HSPA9: variants seen among roughly 807,000 people sequenced by gnomAD.
The protein encoded by HSPA9 is heat shock protein family A (Hsp70) member 9.
HSPA9 carries 28 observed loss-of-function variants against 81.5 expected under a neutral mutation model. The ratio of observed to expected loss-of-function variants is 0.34; its 90% CI spans 0.25 to 0.47. The LOEUF is 0.47. HSPA9 is among the 20% of genes least tolerant of loss of function. The pLI is 1.00. For synonymous variants in HSPA9, 293 were observed against 290.4 expected (o/e 1.01, Z -0.09); for missense variants, 678 against 838.0 (o/e 0.81, Z 2.36).
chr5:138,569,084 C>T, intron 4 of HSPA9, 35 bp from the exon 5 acceptor site: 1 of 1,607,672 alleles, frequency 6.2e-7, no homozygotes, highest in Non-Finnish European at 8.5e-7. Flanking sequence ...GAGAAAACTA[C>T]CTGAACAACT....
At chr5:138,560,896 T>C (rs1666185150) in intron 10 of HSPA9, 6 of 408,854 alleles carry the variant, frequency 1.5e-5, no homozygotes, top group Non-Finnish European at 2.8e-5. Context: ...AGGACCTTTT[T>C]TTTCCAGGTT....
chr5:138,566,180 C>T (rs1218070653), intron 9 of HSPA9, among the ~76,000 whole-genome samples: 1 of 100,590 alleles, frequency 9.9e-6, no homozygotes, highest in African/African-American at 3.8e-5. Flanking sequence ...AGGAGCAAAA[C>T]TCTGTCTCAA....
intron 9 of HSPA9, among the ~76,000 whole-genome samples, chr5:138,564,430 T>C (rs1580745905): frequency 6.6e-6 from 1 of 152,318 alleles, no homozygotes; most frequent in East Asian, 1.9e-4. Context: ...TTAAGAGACC[T>C]GCTCTGTCAC....
rs150178196 is a variant in HSPA9 at position 138,569,014 on chromosome 5, T to C, written c.446A>G (p.Asn149Ser). 214 of 1,613,808 alleles carry C rather than the reference T, an allele frequency of 1.3e-4. 1 individual carries two copies. The highest frequency in any genetic ancestry group is 8.2e-4 in the Middle Eastern group (5 of 6,062). ...ATGAGCCTCAACCCAGGCATCACCATTGGAGGCACGGACAATTTTAAAGGG... is the reference window on the plus strand; with the variant it reads ...ATGAGCCTCAACCCAGGCATCACCACTGGAGGCACGGACAATTTTAAAGGG... ...NVPFKIVRAS[N>S]GDAWVEAHGK... Residue 149 changes from asparagine to serine, a missense_variant, in exon 5 of 17, where the codon AAT becomes AGT. Around this residue, in one of 4 missense-constraint regions of HSPA9, gnomAD observed 484 missense variants for 647.5 expected, o/e 0.75. Coordinates refer to ENST00000297185, the MANE Select transcript of HSPA9 (RefSeq NM_004134.7).
intron 11 of HSPA9, among the ~76,000 whole-genome samples, chr5:138,559,312 AGGCT>A (rs1005662021): frequency 2.0e-5 from 3 of 152,110 alleles, no homozygotes; most frequent in Non-Finnish European, 4.4e-5. Flanking sequence ...CATGTTACCC[AGGCT>A]GGTCTCAAAC....
intron 2 of HSPA9, 92 bp downstream of exon 2, chr5:138,573,976 A>G (rs189859120): frequency 3.2e-6 from 4 of 1,249,098 alleles, no homozygotes; most frequent in Middle Eastern, 3.8e-4. Flanking sequence ...ATACAGATAA[A>G]TAATTACAGA....
Position 138,561,680 on chromosome 5 carries a change from C to A in HSPA9, c.1082G>T (p.Arg361Met). Residue 361 changes from arginine (R) to methionine (M), a missense_variant, in exon 10 of 17, where the codon AGG (arginine) becomes ATG (methionine). Transcript: ENST00000297185. ...AGCTTTTTGGCATGGAGCGATAGTC[C>A]TTCTGATTAGATCAGTGACAATCCC... Reference protein sequence around the residue: ...FEGIVTDLIRRTIAPCQKAMQ... With the variant: ...FEGIVTDLIRMTIAPCQKAMQ... The A allele has an allele frequency of 6.2e-7, 1 of 1,614,096 alleles. No individual in the cohort carries two copies. The highest frequency in any genetic ancestry group is 1.1e-5 in the South Asian group (1 of 91,086).
chr5:138,567,175 T>A lies in HSPA9; in HGVS notation c.717-12A>T. Reference sequence around the variant, plus strand: ...CATATACAGCAATGCTGTAAATGATTTGTGAAAAAAAAAAGAAAAGAAATC... The same window carrying A: ...CATATACAGCAATGCTGTAAATGATATGTGAAAAAAAAAAGAAAAGAAATC... On this transcript the variant is annotated splice_polypyrimidine_tract_variant and intron_variant, in intron 7 of 16. Transcript: ENST00000297185. 1 of 1,556,420 alleles carries A rather than the reference T, an allele frequency of 6.4e-7. No individual in the cohort carries two copies.
At chr5:138,568,553 T>C (rs938363635) in intron 5 of HSPA9, among the ~76,000 whole-genome samples, 1 of 152,054 alleles carries the variant, frequency 6.6e-6, no homozygotes, top group Non-Finnish European at 1.5e-5. Flanking sequence ...ACCCCTAAGA[T>C]CACTCTTTCA....
chr5:138,574,328 G>A (rs1751032097), intron 1 of HSPA9, among the ~76,000 whole-genome samples: 1 of 152,176 alleles, frequency 6.6e-6, no homozygotes, highest in Non-Finnish European at 1.5e-5. Flanking sequence ...CAACCGTGGC[G>A]CTATTAATTT....
chr5:138,569,676 T>C (rs1262881802), intron 4 of HSPA9, among the ~76,000 whole-genome samples: 1 of 152,220 alleles, frequency 6.6e-6, no homozygotes. Flanking sequence ...CATATTCTAC[T>C]CAAGCTCAAT....
In HSPA9 at chr5:138,568,963, A is replaced by G. The variant is rs890561377; in HGVS notation, c.497T>C (p.Ile166Thr). 3.1e-6 allele frequency: 5 copies of G among 1,613,912 alleles called. No individual in the cohort carries two copies. Among genetic ancestry groups the G allele is most frequent in the Admixed American group, 3.3e-5 (2 of 59,980 alleles). ...AHGKLYSPSQ[I>T]GAFVLMKMKE... ...CATCTTCATCAACACAAATGCTCCA[A>G]TCTGACTCGGAGAATACAATTTCCC... The change falls in exon 5 of 17, where the codon ATT becomes ACT. Residue 166 changes from isoleucine to threonine, a missense_variant. Coordinates refer to ENST00000297185, the MANE Select transcript of HSPA9 (RefSeq NM_004134.7).
rs57776368 is a variant in HSPA9 at position 138,573,641 on chromosome 5, C to CAAAAAAAAAA, written c.228+112_228+121dup. On this transcript the variant is annotated intron_variant, in intron 3 of 16. Coordinates refer to ENST00000297185, the MANE Select transcript of HSPA9 (RefSeq NM_004134.7). ...CACCATGGGCTATAGAGACTGTCTC[C>CAAAAAAAAAA]AAAAAAAAAAAAAAAAAAAAAAAAA... is the stretch of plus-strand genomic sequence containing the variant. The CAAAAAAAAAA allele has an allele frequency of 1.4e-4, 42 of 304,432 alleles. 3 individuals carry two copies. Among genetic ancestry groups the CAAAAAAAAAA allele is most frequent in the African/African-American group, 5.8e-4 (12 of 20,600 alleles). The allele number at this position is 304,432 out of a possible 1,614,324, so 18.9% of individuals were successfully genotyped here.
intron 3 of HSPA9, among the ~76,000 whole-genome samples, chr5:138,571,812 T>TTGTGTG (rs10694028): frequency 0.011 from 1,535 of 145,870 alleles, 10 homozygotes; most frequent in South Asian, 0.02. Context: ...CCAACTAATT[T>TTGTGTG]TGTGTGTGTG....
intron 14 of HSPA9, 94 bp from the exon 15 acceptor site, chr5:138,556,960 GT>G: frequency 2.3e-6 from 2 of 874,658 alleles, no homozygotes; most frequent in South Asian, 2.7e-5. Context: ...GTTACATACA[GT>G]TACAGATAAA....
At chr5:138,564,221 A>G (rs1439741105) in intron 9 of HSPA9, among the ~76,000 whole-genome samples, 2 of 152,180 alleles carry the variant, frequency 1.3e-5, no homozygotes, top group Non-Finnish European at 2.9e-5. Context: ...CTCCTGCCTC[A>G]GCCTACTGAG....
intron 10 of HSPA9, 123 bp downstream of exon 10, chr5:138,561,457 A>C: frequency 1.3e-6 from 1 of 766,580 alleles, no homozygotes; most frequent in Non-Finnish European, 2.3e-6. Flanking sequence ...TTTAGTGAGT[A>C]TATAATCTCA....
chr5:138,568,869 T>A (rs1419371666), intron 5 of HSPA9, 56 bp downstream of exon 5: 31 of 1,586,314 alleles, frequency 2.0e-5, no homozygotes, highest in Non-Finnish European at 2.6e-5. Context: ...GAGCTAGTGA[T>A]CTCACAGGAA....
chr5:138,573,238 G>A (rs1030638881), intron 3 of HSPA9, among the ~76,000 whole-genome samples: 5 of 151,766 alleles, frequency 3.3e-5, no homozygotes, highest in African/African-American at 4.8e-5. Flanking sequence ...CATTTTGGCC[G>A]GGCTGGTCTT....
Sources: allele counts gnomAD v4.1 joint callset (sites outside exome capture counted in the v4.1 genomes callset), GRCh38; gene constraint gnomAD v4.1.1; regional missense constraint gnomAD v4.1.1; transcripts MANE v1.5; gene names NCBI Gene and HGNC (gene_info 2026-07-23, HGNC 2026-07-21).